LEKR1: variants seen among roughly 807,000 people sequenced by gnomAD.
LEKR1 encodes leucine, glutamate and lysine rich 1.
Under a neutral mutation model 72.4 loss-of-function variants are expected in LEKR1, and 59 were observed. The ratio of observed to expected loss-of-function variants is 0.82; its 90% CI spans 0.66 to 1.01. The LOEUF is 1.01. Ranked by LOEUF, LEKR1 falls within the 50% of genes least tolerant of loss-of-function variation. The pLI is 0.00. For synonymous variants in LEKR1, 257 were observed against 263.2 expected (o/e 0.98, Z 0.23); for missense variants, 728 against 759.2 (o/e 0.96, Z 0.48).
chr3:156,931,434 A>T (rs1245145924), intron 5 of LEKR1, among the ~76,000 whole-genome samples: 1 of 152,254 alleles, frequency 6.6e-6, no homozygotes, highest in Non-Finnish European at 1.5e-5. Flanking sequence ...AAAATATCTG[A>T]CAGTTTCTCA....
intron 3 of LEKR1, among the ~76,000 whole-genome samples, chr3:156,907,847 T>C (rs576804789): frequency 2.6e-5 from 4 of 152,258 alleles, no homozygotes; most frequent in Non-Finnish European, 4.4e-5. Flanking sequence ...TATCTTTTTT[T>C]TTCCAGTCCA....
At chr3:156,965,424 T>A (rs1728481529) in intron 6 of LEKR1, among the ~76,000 whole-genome samples, 1 of 152,144 alleles carries the variant, frequency 6.6e-6, no homozygotes, top group African/African-American at 2.4e-5. Flanking sequence ...AATATTAGAA[T>A]GTAATTCATT....
At chr3:157,014,739 C>T (rs1733173600) in intron 10 of LEKR1, among the ~76,000 whole-genome samples, 1 of 152,048 alleles carries the variant, frequency 6.6e-6, no homozygotes, top group Non-Finnish European at 1.5e-5. Flanking sequence ...CTGCGGAGAT[C>T]ATCTCATAAA....
At chr3:156,839,963 C>T (rs971082780) in intron 2 of LEKR1, among the ~76,000 whole-genome samples, 2 of 152,204 alleles carry the variant, frequency 1.3e-5, no homozygotes, top group Admixed American at 6.5e-5. Flanking sequence ...ACTTTCTCCA[C>T]CTGTGTCATC....
intron 5 of LEKR1, among the ~76,000 whole-genome samples, chr3:156,937,389 G>T (rs1388606226): frequency 6.6e-6 from 1 of 152,084 alleles, no homozygotes; most frequent in Non-Finnish European, 1.5e-5. Context: ...AACCGAAGAT[G>T]ATATATAGAT....
intron 9 of LEKR1, among the ~76,000 whole-genome samples, chr3:157,008,289 A>C (rs1269147498): frequency 6.6e-6 from 1 of 152,214 alleles, no homozygotes; most frequent in Admixed American, 6.5e-5. Context: ...CACACAGGAG[A>C]GTGACCTACA....
At chr3:156,920,535 T>C (rs1371181138) in intron 3 of LEKR1, 40 bp from the exon 4 acceptor site, 1 of 1,267,832 alleles carries the variant, frequency 7.9e-7, no homozygotes, top group Non-Finnish European at 1.1e-6. Flanking sequence ...AAATTGTACA[T>C]ATGAGAGAAT....
chr3:157,034,713 C>T (rs758908706), intron 12 of LEKR1, among the ~76,000 whole-genome samples: 2 of 152,154 alleles, frequency 1.3e-5, no homozygotes, highest in Non-Finnish European at 2.9e-5. Flanking sequence ...AGTTCTACTG[C>T]GGGTAAAATG....
intron 3 of LEKR1, among the ~76,000 whole-genome samples, chr3:156,892,755 T>G (rs1278472521): frequency 1.3e-5 from 2 of 152,192 alleles, no homozygotes; most frequent in South Asian, 2.1e-4. Flanking sequence ...TACTTACCCT[T>G]GGTGGTGGTT....
chr3:157,008,967 T>C (rs1193838705), intron 9 of LEKR1, among the ~76,000 whole-genome samples: 1 of 152,150 alleles, frequency 6.6e-6, no homozygotes, highest in Non-Finnish European at 1.5e-5. Flanking sequence ...AATTTCATTA[T>C]TGTTCAGTTC....
chr3:157,033,942 C>A (rs1276131720), intron 12 of LEKR1, among the ~76,000 whole-genome samples: 1 of 152,020 alleles, frequency 6.6e-6, no homozygotes, highest in Non-Finnish European at 1.5e-5. Flanking sequence ...TATGCTAAAT[C>A]TACTCTACTC....
chr3:156,889,332 T>A (rs1054244269), intron 3 of LEKR1, among the ~76,000 whole-genome samples: 3 of 150,956 alleles, frequency 2.0e-5, no homozygotes, highest in Non-Finnish European at 4.4e-5. Flanking sequence ...AACCACCCTG[T>A]ACCTCTTTTT....
intron 4 of LEKR1, among the ~76,000 whole-genome samples, chr3:156,926,487 A>G (rs545694252): frequency 3.9e-5 from 6 of 152,058 alleles, no homozygotes; most frequent in South Asian, 2.1e-4. Context: ...TAAAATTTCC[A>G]TATCCCCTGG....
chr3:156,843,137 G>A (rs3910072), intron 2 of LEKR1, among the ~76,000 whole-genome samples: 77,080 of 151,954 alleles, frequency 0.51, 21,216 homozygotes, highest in East Asian at 0.73. Context: ...GTACTGTTCT[G>A]GGTTTAGGAT....
intron 5 of LEKR1, among the ~76,000 whole-genome samples, chr3:156,936,599 T>TA (rs928110009): frequency 1.1e-4 from 17 of 152,170 alleles, no homozygotes; most frequent in Non-Finnish European, 2.4e-4. Flanking sequence ...GTAATGGGTT[T>TA]ATAGCTTTTC....
chr3:156,975,033 C>T (rs1355930397), intron 6 of LEKR1, among the ~76,000 whole-genome samples: 2 of 152,108 alleles, frequency 1.3e-5, no homozygotes, highest in South Asian at 2.1e-4. Context: ...TCCCAATGTG[C>T]CTGCAACTAT....
intron 3 of LEKR1, among the ~76,000 whole-genome samples, chr3:156,893,340 G>A (rs551058217): frequency 6.6e-6 from 1 of 152,240 alleles, no homozygotes; most frequent in Admixed American, 6.5e-5. Flanking sequence ...TTATTTGGTT[G>A]TATCTGTGTA....
intron 9 of LEKR1, among the ~76,000 whole-genome samples, chr3:156,996,950 A>G (rs573055718): frequency 0.011 from 1,712 of 152,158 alleles, 11 homozygotes; most frequent in Non-Finnish European, 0.016. Flanking sequence ...CTGTAATCCC[A>G]GCTACTTGGG....
rs143053262 is a variant in LEKR1 at position 156,944,523 on chromosome 3, T to A, written c.745+1809T>A. On this transcript the variant is annotated intron_variant, in intron 6 of 12. Transcript: ENST00000356539. ...TTTATTCATCCTGTCTAACCATATATTTGTACCCATTAACCATCCCCACTT... is the reference window on the plus strand; with the variant it reads ...TTTATTCATCCTGTCTAACCATATAATTGTACCCATTAACCATCCCCACTT... Among the ~76,000 whole-genome samples, 259 of 151,824 alleles carry A rather than the reference T, an allele frequency of 1.7e-3. 1 individual carries two copies. Among genetic ancestry groups the A allele is most frequent in the African/African-American group, 6.0e-3 (247 of 41,484 alleles).
Sources: allele counts gnomAD v4.1 joint callset (sites outside exome capture counted in the v4.1 genomes callset), GRCh38; gene constraint gnomAD v4.1.1; transcripts MANE v1.5; gene names NCBI Gene and HGNC (gene_info 2026-07-23, HGNC 2026-07-21).